The following RFWD3 variants were observed in gnomAD, a reference collection of about 807,000 sequenced individuals.
RFWD3 encodes the protein ring finger and WD repeat domain 3, also known as E3 ubiquitin-protein ligase RFWD3.
In RFWD3, 65 loss-of-function variants were observed where a neutral mutation model predicts 87.7. The observed-to-expected ratio is 0.74, with a 90% CI of 0.61 to 0.91. The LOEUF is 0.91. Among genes scored for constraint, RFWD3 ranks in the 40% least tolerant of loss-of-function variants. The pLI is 0.00. For synonymous variants in RFWD3, 433 were observed against 352.8 expected (o/e 1.23, Z -2.55); for missense variants, 1,078 against 938.5 (o/e 1.15, Z -1.94).
chr16:74,639,398 A>C (rs1306985112), intron 6 of RFWD3, among the ~76,000 whole-genome samples: 1 of 152,158 alleles, frequency 6.6e-6, no homozygotes, highest in Non-Finnish European at 1.5e-5. Context: ...GCTCCATTAT[A>C]ATCTTATGGG....
At chr16:74,642,854 T>C (rs1457952741) in intron 6 of RFWD3, among the ~76,000 whole-genome samples, 2 of 152,204 alleles carry the variant, frequency 1.3e-5, no homozygotes, top group African/African-American at 4.8e-5. Context: ...TAAAATTGGG[T>C]AAAAGGCTGT....
intron 11 of RFWD3, among the ~76,000 whole-genome samples, chr16:74,627,103 G>A (rs1958961645): frequency 6.6e-6 from 1 of 152,186 alleles, no homozygotes; most frequent in Admixed American, 6.5e-5. Flanking sequence ...GCCGAGCTGT[G>A]GGATGATGAA....
chr16:74,636,549 C>A lies in RFWD3; in HGVS notation c.1223G>T (p.Ser408Ile). The A allele has an allele frequency of 1.2e-6, 2 of 1,613,806 alleles. No individual in the cohort carries two copies. Among genetic ancestry groups the A allele is most frequent in the Non-Finnish European group, 8.5e-7 (1 of 1,179,996 alleles). ...GCCCCTGGGTTGCTGTAAATTCTGA[C>A]TTTGATGTGACGTAAGTTTTTGCAA... ...QDLQKLTSHQ[S>I]QNLQQPRGSQ... The change falls in exon 8 of 13, where the codon AGT (serine) becomes ATT (isoleucine). Residue 408 changes from serine to isoleucine, a missense_variant. Coordinates refer to ENST00000361070, the MANE Select transcript of RFWD3 (RefSeq NM_018124.4).
At position 74,644,536 on chromosome 16, in the gene RFWD3, C is replaced by T; in HGVS notation, c.987+5G>A. On this transcript the variant is annotated splice_donor_5th_base_variant and intron_variant, in intron 5 of 12. Transcript: ENST00000361070. ...TGTTAATGTGTCCTTACCTATGGTC[C>T]TTACCTGGGGACATTTTCGTACTTG... 1 of 1,614,182 alleles carries T rather than the reference C, an allele frequency of 6.2e-7. No homozygotes were observed. The highest frequency in any genetic ancestry group is 8.5e-7 in the Non-Finnish European group (1 of 1,180,012).
intron 2 of RFWD3, among the ~76,000 whole-genome samples, chr16:74,658,267 A>T (rs1339062377): frequency 1.3e-5 from 2 of 152,220 alleles, no homozygotes; most frequent in Non-Finnish European, 2.9e-5. Context: ...TTAGTCTCTC[A>T]CACAGAGGAG....
intron 2 of RFWD3, among the ~76,000 whole-genome samples, chr16:74,654,658 G>A (rs1219340011): frequency 6.6e-6 from 1 of 152,182 alleles, no homozygotes; most frequent in African/African-American, 2.4e-5. Flanking sequence ...AGCTTAGTGA[G>A]GAAGGCATGT....
In RFWD3 at chr16:74,661,251, G is replaced by A; in HGVS notation, c.199C>T (p.Pro67Ser). Reference protein sequence around the residue: ...PAEVISSQATPPLLQPAPQLS... With the variant: ...PAEVISSQATSPLLQPAPQLS... ...TGCGGAGCAGGCTGGAGCAGGGGTG[G>A]TGTCGCTTGGCTGCTGATCACCTCA... Residue 67 changes from proline to serine, a missense_variant, in exon 2 of 13, where the codon CCA becomes TCA. Pro to Ser is a moderately conservative substitution (Grantham distance 74, BLOSUM62 -1). Coordinates refer to ENST00000361070, the MANE Select transcript of RFWD3 (RefSeq NM_018124.4). 6.2e-7 allele frequency: 1 copy of A among 1,614,202 alleles called. No individual in the cohort carries two copies. Among genetic ancestry groups the A allele is most frequent in the East Asian group, 2.2e-5 (1 of 44,874 alleles).
chr16:74,657,276 G>A (rs1406584779), intron 2 of RFWD3, among the ~76,000 whole-genome samples: 1 of 152,162 alleles, frequency 6.6e-6, no homozygotes, highest in African/African-American at 2.4e-5. Context: ...CAAGAATAAG[G>A]AATGCCATAG....
intron 8 of RFWD3, among the ~76,000 whole-genome samples, chr16:74,635,122 T>C (rs1367724399): frequency 7.9e-5 from 12 of 151,552 alleles, no homozygotes; most frequent in Admixed American, 2.0e-4. Flanking sequence ...CTTCTAAAAA[T>C]ACAAAAAATT....
chr16:74,632,695 G>C (rs1403845122), intron 8 of RFWD3, 22 bp from the exon 9 acceptor site: 1 of 1,611,628 alleles, frequency 6.2e-7, no homozygotes, highest in East Asian at 2.2e-5. Context: ...AAAATAGTAT[G>C]AAATAGATCA....
At chr16:74,626,582 C>T in intron 11 of RFWD3, 28 bp from the exon 12 acceptor site, 1 of 1,583,710 alleles carries the variant, frequency 6.3e-7, no homozygotes, top group Non-Finnish European at 8.7e-7. Flanking sequence ...CAGTGCTGCA[C>T]CATGGGGACG....
In RFWD3 at chr16:74,636,500, G is replaced by C. The variant is rs1225615618; in HGVS notation, c.1272C>G (p.Cys424Trp). The change falls in exon 8 of 13, where the codon TGC becomes TGG. Residue 424 changes from cysteine to tryptophan, a missense_variant. Coordinates refer to ENST00000361070, the MANE Select transcript of RFWD3 (RefSeq NM_018124.4). Reference sequence around the variant, plus strand: ...TGTGCTGGCCCTGGCTGGAGGGTGAGCAGCTCAGGACCCATGCTTGGGAGC... The same window carrying C: ...TGTGCTGGCCCTGGCTGGAGGGTGACCAGCTCAGGACCCATGCTTGGGAGC... ...PRGSQAWVLS[C>W]SPSSQGQHKH... is the part of the protein sequence containing the mutation. The C allele has an allele frequency of 6.2e-7, 1 of 1,614,088 alleles. No individual in the cohort carries two copies. The highest frequency in any genetic ancestry group is 8.5e-7 in the Non-Finnish European group (1 of 1,180,030).
chr16:74,630,960 G>T lies in RFWD3; in HGVS notation c.1578-3C>A. Reference sequence around the variant, plus strand: ...GGACCACGGTATTTGTCTCCAGGCTGTGGAGTTACAAAAGACTTTTACAAC... The same window carrying T: ...GGACCACGGTATTTGTCTCCAGGCTTTGGAGTTACAAAAGACTTTTACAAC... On this transcript the variant is annotated splice_region_variant and splice_polypyrimidine_tract_variant and intron_variant, in intron 9 of 12. Transcript: ENST00000361070. The T allele has an allele frequency of 6.3e-7, 1 of 1,597,046 alleles. No homozygotes were observed. The highest frequency in any genetic ancestry group is 8.5e-7 in the Non-Finnish European group (1 of 1,175,502).
chr16:74,633,225 C>A (rs548284378), intron 8 of RFWD3, among the ~76,000 whole-genome samples: 45 of 133,544 alleles, frequency 3.4e-4, no homozygotes, highest in South Asian at 6.9e-4. Context: ...TGTAGTGAGA[C>A]AAGATTGCAC....
Position 74,623,749 on chromosome 16 carries a change from C to G in RFWD3, c.*179G>C. On this transcript the variant is annotated 3_prime_UTR_variant, in exon 13 of 13. Coordinates refer to ENST00000361070, the MANE Select transcript of RFWD3 (RefSeq NM_018124.4). ...TCAATTACTCTTTTAGTGGACATAA[C>G]AGATACACAATCTGTAGTGTCTCAG... 1 of 602,592 alleles carries G rather than the reference C, an allele frequency of 1.7e-6. No homozygotes were observed. The highest frequency in any genetic ancestry group is 2.9e-6 in the Non-Finnish European group (1 of 347,786). The allele number at this position is 602,592 out of a possible 1,614,324, so 37.3% of individuals were successfully genotyped here.
At chr16:74,635,671 CTT>C (rs1443398084) in intron 8 of RFWD3, among the ~76,000 whole-genome samples, 2 of 152,122 alleles carry the variant, frequency 1.3e-5, no homozygotes, top group African/African-American at 2.4e-5. Flanking sequence ...GATGATAAAT[CTT>C]TTTATTAAAA....
intron 1 of RFWD3, among the ~76,000 whole-genome samples, chr16:74,664,979 C>G (rs1961763509): frequency 6.6e-6 from 1 of 152,156 alleles, no homozygotes; most frequent in Non-Finnish European, 1.5e-5. Flanking sequence ...CTGGGCACCC[C>G]AAACCTTGAG....
intron 1 of RFWD3, among the ~76,000 whole-genome samples, chr16:74,664,060 G>C (rs1377236479): frequency 6.6e-6 from 1 of 152,208 alleles, no homozygotes; most frequent in Non-Finnish European, 1.5e-5. Flanking sequence ...GAGTGGCACA[G>C]TACTGAAAAT....
At chr16:74,663,892 C>T (rs544716794) in intron 1 of RFWD3, among the ~76,000 whole-genome samples, 5 of 152,208 alleles carry the variant, frequency 3.3e-5, no homozygotes, top group East Asian at 3.9e-4. Context: ...TGAAAGATGG[C>T]GCTAAAAGAG....
Sources: allele counts gnomAD v4.1 joint callset (sites outside exome capture counted in the v4.1 genomes callset), GRCh38; gene constraint gnomAD v4.1.1; transcripts MANE v1.5; gene names NCBI Gene and HGNC (gene_info 2026-07-23, HGNC 2026-07-21).